Variants in PCDH15 observed in about 807,000 individuals in gnomAD.
PCDH15 encodes the protein protocadherin-15.
PCDH15 carries 129 observed loss-of-function variants against 178.5 expected under a neutral mutation model. The ratio of observed to expected loss-of-function variants is 0.72; its 90% CI spans 0.63 to 0.84. The LOEUF (loss-of-function observed/expected upper bound fraction) is 0.84, where lower values mean the gene tolerates loss of function less well. Ranked by LOEUF, PCDH15 falls within the 40% of genes least tolerant of loss-of-function variation. The pLI, the probability that PCDH15 is intolerant of heterozygous loss-of-function variation, is 0.00. For synonymous variants in PCDH15, 800 were observed against 732.0 expected, an observed-to-expected ratio of 1.09 and a Z score of -1.50; for missense variants, 2,230 against 2,099.9, an observed-to-expected ratio of 1.06 and a Z score of -1.21.
chr10:55,591,294 G>A (rs1842837992), intron 2 of PCDH15, among the ~76,000 whole-genome samples: 1 of 152,008 alleles, frequency 6.6e-6, no homozygotes. Context: ...AATTAGCCAA[G>A]CATAATGGTG....
chr10:54,869,090 A>G (rs1953989747), intron 3 of PCDH15: 1 of 152,196 alleles, frequency 6.6e-6, no homozygotes, highest in Admixed American at 6.5e-5. Flanking sequence ...TCCACAAGGC[A>G]TTTATGAATG....
chr10:54,766,267 A>G (rs1341336785), intron 1 of PCDH15, among the ~76,000 whole-genome samples: 2 of 152,162 alleles, frequency 1.3e-5, no homozygotes, highest in African/African-American at 4.8e-5. Flanking sequence ...GAAAACAATG[A>G]GAGAAAGAGA....
At chr10:55,577,056 A>G (rs867949260) in intron 2 of PCDH15, among the ~76,000 whole-genome samples, 3 of 152,064 alleles carry the variant, frequency 2.0e-5, no homozygotes, top group Non-Finnish European at 2.9e-5. Context: ...AGCATGGCCA[A>G]TATGGTGAAA....
rs2133977984 is a variant in PCDH15, at chr10:54,594,456, C to G, written c.92-66579G>C. Among the ~76,000 whole-genome samples the G allele has an allele frequency of 1.3e-5, 2 of 152,236 alleles. 1 individual carries two copies. Among genetic ancestry groups the G allele is most frequent in the South Asian group, 4.1e-4 (2 of 4,832 alleles). Reference sequence around the variant, plus strand: ...TCTTTGGGCCCCAGCCTGCCTGTACCTGCTAGCAGTGTACCCCCCCAGGCA... The same window carrying G: ...TCTTTGGGCCCCAGCCTGCCTGTACGTGCTAGCAGTGTACCCCCCCAGGCA... On this transcript the variant is annotated intron_variant, in intron 2 of 37. Coordinates refer to ENST00000644397, the MANE Select transcript of PCDH15 (RefSeq NM_001384140.1).
intron 2 of PCDH15, among the ~76,000 whole-genome samples, chr10:55,562,250 T>G (rs1369510230): frequency 6.6e-6 from 1 of 152,002 alleles, no homozygotes; most frequent in Non-Finnish European, 1.5e-5. Flanking sequence ...TTGTTGTCCC[T>G]TATTTACTGA....
chr10:54,370,386 T>C (rs903840615), intron 4 of PCDH15, among the ~76,000 whole-genome samples: 1 of 151,932 alleles, frequency 6.6e-6, no homozygotes, highest in African/African-American at 2.4e-5. Context: ...CACCGAAAAT[T>C]TGGCTCGTTG....
intron 18 of PCDH15, among the ~76,000 whole-genome samples, chr10:54,034,647 A>G (rs933252705): frequency 2.6e-5 from 4 of 151,916 alleles, no homozygotes; most frequent in Admixed American, 2.0e-4. Context: ...GATGTACACA[A>G]TGTGAAACTG....
chr10:54,771,654 T>A (rs538590982), intron 1 of PCDH15, among the ~76,000 whole-genome samples: 4 of 151,868 alleles, frequency 2.6e-5, no homozygotes, highest in South Asian at 2.1e-4. Flanking sequence ...AAATTGCCAA[T>A]CCAAAAAAAA....
chr10:55,370,553 C>G (rs1845482768), intron 2 of PCDH15, among the ~76,000 whole-genome samples: 1 of 152,052 alleles, frequency 6.6e-6, no homozygotes, highest in African/African-American at 2.4e-5. Context: ...TAAAAGTACC[C>G]TTTCTTAATT....
rs1774084849 is a variant in PCDH15 at position 54,330,550 on chromosome 10, A to G, written c.595-844T>C. Among the ~76,000 whole-genome samples, 5 of 150,726 alleles carry G rather than the reference A, an allele frequency of 3.3e-5. No individual in the cohort carries two copies. The South Asian group carries it at 1.0e-3, about 31-fold the overall frequency. On this transcript the variant is annotated intron_variant, in intron 6 of 37. Transcript: ENST00000644397. ...TGACTGCGTGAACTTGAATCAGTTC[A>G]TTATTGTGGAAAAAAAAATCCAGGT...
At chr10:54,776,926 G>T (rs761122005) in intron 1 of PCDH15, among the ~76,000 whole-genome samples, 8 of 152,116 alleles carry the variant, frequency 5.3e-5, no homozygotes, top group Non-Finnish European at 8.8e-5. Flanking sequence ...TACAAAGAAA[G>T]AACTAGGGAG....
At chr10:55,364,886 T>C (rs1471798081) in intron 2 of PCDH15, among the ~76,000 whole-genome samples, 1 of 152,104 alleles carries the variant, frequency 6.6e-6, no homozygotes, top group Non-Finnish European at 1.5e-5. Context: ...AAATTAAAAA[T>C]AGAATACAAT....
chr10:55,037,139 C>A (rs1337943416), intron 2 of PCDH15, among the ~76,000 whole-genome samples: 1 of 152,104 alleles, frequency 6.6e-6, no homozygotes, highest in Non-Finnish European at 1.5e-5. Context: ...CTAATCAAAA[C>A]TAATTATCCC....
At chr10:55,508,174 T>C (rs1344034284) in intron 2 of PCDH15, among the ~76,000 whole-genome samples, 1 of 151,764 alleles carries the variant, frequency 6.6e-6, no homozygotes, top group Non-Finnish European at 1.5e-5. Context: ...GGCTCTACCA[T>C]AAATTTTAGC....
At chr10:54,124,255 G>T (rs2132922516) in intron 15 of PCDH15, among the ~76,000 whole-genome samples, 1 of 152,304 alleles carries the variant, frequency 6.6e-6, no homozygotes, top group East Asian at 1.9e-4. Context: ...CATGCTATAT[G>T]ATTCCACTTA....
chr10:55,495,972 C>A (rs1050796372), intron 2 of PCDH15, among the ~76,000 whole-genome samples: 25 of 151,864 alleles, frequency 1.6e-4, no homozygotes, highest in African/African-American at 6.0e-4. Flanking sequence ...ATAGGCAAAT[C>A]TATAAGACAG....
chr10:54,250,527 C>T (rs2056393144), intron 8 of PCDH15, among the ~76,000 whole-genome samples: 1 of 152,016 alleles, frequency 6.6e-6, no homozygotes. Context: ...TCATGATCCA[C>T]TTGCCTCGGC....
chr10:55,365,293 T>C (rs1051447783), intron 2 of PCDH15, among the ~76,000 whole-genome samples: 2 of 152,160 alleles, frequency 1.3e-5, no homozygotes, highest in African/African-American at 4.8e-5. Flanking sequence ...GTTTGATGTA[T>C]GTTATTTCTA....
chr10:54,586,007 G>C lies in PCDH15; in HGVS notation c.92-58130C>G, dbSNP rs150299642. ...AAGGGACAATAAAATTAATAAAATT[G>C]ATTGTTAAATCAAGTCAAAAATAAA... is the stretch of plus-strand genomic sequence containing the variant. On this transcript the variant is annotated intron_variant, in intron 2 of 37. Transcript: ENST00000644397. Among the ~76,000 whole-genome samples, 1,481 of 151,780 alleles carry C rather than the reference G, an allele frequency of 9.8e-3. 25 individuals carry two copies. Among genetic ancestry groups the C allele is most frequent in the African/African-American group, 0.035 (1,426 of 41,224 alleles).
Sources: gnomAD v4.1 joint callset for allele counts (sites outside exome capture counted in the v4.1 genomes callset) on GRCh38, gnomAD v4.1.1 for gene constraint, MANE v1.5 for transcripts, NCBI Gene and HGNC (gene_info 2026-07-23, HGNC 2026-07-21) for gene names.